The following KCND3 variants were observed in gnomAD, a reference collection of about 807,000 sequenced individuals.
KCND3 encodes the protein potassium voltage-gated channel subfamily D member 3.
In KCND3, 9 loss-of-function variants were observed where a neutral mutation model predicts 51.1. That is an observed-to-expected ratio of 0.18 (90% CI 0.11 to 0.31). KCND3 has a LOEUF of 0.31. Ranked by LOEUF, KCND3 falls within the 10% of genes least tolerant of loss-of-function variation. The probability of loss-of-function intolerance (pLI) is 1.00; values close to 1 mark genes in which losing one functional copy is unlikely to be tolerated. For missense variants in KCND3, 526 were observed against 903.8 expected (o/e 0.58, Z 5.36); for synonymous variants, 349 against 368.0 (o/e 0.95, Z 0.59).
intron 2 of KCND3, among the ~76,000 whole-genome samples, chr1:111,798,453 C>G (rs1280946122): frequency 6.6e-6 from 1 of 152,144 alleles, no homozygotes; most frequent in African/African-American, 2.4e-5. Flanking sequence ...TGACATACCT[C>G]CCCAAAATGT....
At chr1:111,963,876 C>CT (rs1673814759) in intron 2 of KCND3, among the ~76,000 whole-genome samples, 1 of 152,242 alleles carries the variant, frequency 6.6e-6, no homozygotes. Flanking sequence ...ACAAGGACTT[C>CT]TTTTTTGAAG....
intron 2 of KCND3, among the ~76,000 whole-genome samples, chr1:111,828,090 C>T (rs966862785): frequency 2.0e-5 from 3 of 152,140 alleles, no homozygotes; most frequent in African/African-American, 7.2e-5. Context: ...ATTTCTGAGC[C>T]CAAGGCTTGC....
chr1:111,872,601 T>TA (rs112549303), intron 2 of KCND3, among the ~76,000 whole-genome samples: 24,491 of 150,760 alleles, frequency 0.16, 2,619 homozygotes, highest in East Asian at 0.53. Context: ...GGAGAAAGAG[T>TA]GTTTTTTTAT....
At chr1:111,905,530 T>C (rs1446516166) in intron 2 of KCND3, among the ~76,000 whole-genome samples, 1 of 152,228 alleles carries the variant, frequency 6.6e-6, no homozygotes, top group Non-Finnish European at 1.5e-5. Context: ...ACCATGCGTC[T>C]GCAGCAACAG....
At position 111,774,768 on chromosome 1, in the gene KCND3, C is replaced by T. The variant is rs1664040376; in HGVS notation, c.*1309G>A. The T allele has an allele frequency of 6.6e-6, 1 of 152,176 alleles. No homozygotes were observed. The highest frequency in any genetic ancestry group is 6.5e-5 in the Admixed American group (1 of 15,274). 9.4% of individuals were successfully genotyped at this position (152,176 alleles called of 1,614,324 possible). A position where few individuals can be genotyped will look rare whatever the true frequency, so the allele number is the denominator to read the frequency against. On this transcript the variant is annotated 3_prime_UTR_variant, in exon 8 of 8. Transcript: ENST00000302127. ...GAGTTGCCTCTGGTTTGATATAAGT[C>T]AGAGGAATCTTGGTCCCCGTACCAC... is the stretch of plus-strand genomic sequence containing the variant.
intron 2 of KCND3, among the ~76,000 whole-genome samples, chr1:111,885,994 A>G (rs1469007523): frequency 6.6e-6 from 1 of 152,182 alleles, no homozygotes; most frequent in Non-Finnish European, 1.5e-5. Context: ...GCTAGACATG[A>G]TAGTGTGTTA....
chr1:111,963,284 TG>T (rs1185297986), intron 2 of KCND3, among the ~76,000 whole-genome samples: 1 of 152,200 alleles, frequency 6.6e-6, no homozygotes, highest in Non-Finnish European at 1.5e-5. Flanking sequence ...ACAAAGGAAT[TG>T]AAGAAGGAGC....
At chr1:111,860,335 TG>T (rs1315531480) in intron 2 of KCND3, among the ~76,000 whole-genome samples, 2 of 152,218 alleles carry the variant, frequency 1.3e-5, no homozygotes, top group Non-Finnish European at 2.9e-5. Flanking sequence ...ACGCAGAAGC[TG>T]GGATCTGTCC....
intron 2 of KCND3, among the ~76,000 whole-genome samples, chr1:111,971,557 T>C (rs1040703692): frequency 6.6e-6 from 1 of 152,120 alleles, no homozygotes; most frequent in African/African-American, 2.4e-5. Flanking sequence ...TCCCTTCATC[T>C]TTCCCTGGCC....
intron 2 of KCND3, among the ~76,000 whole-genome samples, chr1:111,902,908 C>T (rs774411342): frequency 6.6e-6 from 1 of 152,158 alleles, no homozygotes; most frequent in Admixed American, 6.5e-5. Context: ...GAGTGCTTTG[C>T]TCATAGTAGG....
At chr1:111,840,790 C>T (rs1370219498) in intron 2 of KCND3, among the ~76,000 whole-genome samples, 2 of 152,156 alleles carry the variant, frequency 1.3e-5, no homozygotes, top group Non-Finnish European at 2.9e-5. Context: ...TGAAGATGCC[C>T]GGTGTCCCCT....
intron 2 of KCND3, among the ~76,000 whole-genome samples, chr1:111,805,049 G>A (rs1377719741): frequency 6.6e-6 from 1 of 152,168 alleles, no homozygotes; most frequent in African/African-American, 2.4e-5. Flanking sequence ...GGTGGCGGGT[G>A]GATCACATAA....
intron 2 of KCND3, among the ~76,000 whole-genome samples, chr1:111,865,855 C>G (rs1415810644): frequency 6.6e-6 from 1 of 152,114 alleles, no homozygotes; most frequent in Non-Finnish European, 1.5e-5. Flanking sequence ...CAGGTATGCA[C>G]CATCATGCCC....
chr1:111,879,390 C>T (rs552754101), intron 2 of KCND3, among the ~76,000 whole-genome samples: 38 of 152,246 alleles, frequency 2.5e-4, no homozygotes, highest in Admixed American at 5.2e-4. Flanking sequence ...CTTCCAGGGA[C>T]GACTCAAATG....
intron 2 of KCND3, among the ~76,000 whole-genome samples, chr1:111,931,354 C>T (rs1228247186): frequency 6.6e-6 from 1 of 152,102 alleles, no homozygotes; most frequent in African/African-American, 2.4e-5. Context: ...TTCATACACC[C>T]AAAATAAACA....
Position 111,981,790 on chromosome 1 carries a change from T to G in KCND3, c.937A>C (p.Thr313Pro). The change falls in exon 2 of 8, where the codon ACA becomes CCA. Residue 313 changes from threonine (T) to proline (P), a missense_variant. By Grantham distance (38) the Thr-to-Pro change is conservative. Coordinates refer to ENST00000302127, the MANE Select transcript of KCND3 (RefSeq NM_001378969.1). This position sits in a 1 kb window ranked among gnomAD's most constrained non-coding sequence, Gnocchi z 6.2. ...AGTTCGGAGGCACAGCTCTTCAGTG[T>G]GTAGCCCAGGATCCGCAGGCCCTGG... ...HSQGLRILGYTLKSCASELGF... is the reference protein window; with the variant it reads ...HSQGLRILGYPLKSCASELGF... 1 of 1,614,026 alleles carries G rather than the reference T, an allele frequency of 6.2e-7. No individual in the cohort carries two copies. Among genetic ancestry groups the G allele is most frequent in the Non-Finnish European group, 8.5e-7 (1 of 1,179,980 alleles).
Position 111,982,582 on chromosome 1 carries a change from G to GT in KCND3, c.144_145insA (p.Arg49ThrfsTer328). The stretch of plus-strand genomic sequence containing the variant: ...GTGGTCCTCCAGGTCTGGAACCTCC[G>GT]CCCACTCACGTTGAGGACAATCAGC... On this transcript the variant is annotated frameshift_variant, in exon 2 of 8. Coordinates refer to ENST00000302127, the MANE Select transcript of KCND3 (RefSeq NM_001378969.1). LOFTEE classifies it high-confidence loss of function. The surrounding 1 kb of genome is among the most constrained non-coding windows in gnomAD (Gnocchi z 8.5). 6.2e-7 allele frequency: 1 copy of GT among 1,612,762 alleles called. No homozygotes were observed. Among genetic ancestry groups the GT allele is most frequent in the Non-Finnish European group, 8.5e-7 (1 of 1,178,978 alleles).
chr1:111,898,385 A>C (rs1365121683), intron 2 of KCND3, among the ~76,000 whole-genome samples: 2 of 152,088 alleles, frequency 1.3e-5, no homozygotes, highest in East Asian at 3.9e-4. Flanking sequence ...GTACCTCCAC[A>C]TGCCTGGCAC....
At position 111,786,929 on chromosome 1, in the gene KCND3, G is replaced by T. The variant is rs3738298; in HGVS notation, c.1269+15C>A. The T allele has an allele frequency of 0.15, 244,472 of 1,613,558 alleles. 19,222 individuals are homozygous for T. The highest frequency in any genetic ancestry group is 0.21 in the South Asian group (19,540 of 91,060). On this transcript the variant is annotated intron_variant, in intron 3 of 7. Transcript: ENST00000302127. Reference sequence around the variant, plus strand: ...TCCTTTACACTGCCCCCGCTTCCCTGCGTCTGAGGCTTACCTTTTGTGCCC... The same window carrying T: ...TCCTTTACACTGCCCCCGCTTCCCTTCGTCTGAGGCTTACCTTTTGTGCCC...
Sources: gnomAD v4.1 joint callset for allele counts (sites outside exome capture counted in the v4.1 genomes callset) on GRCh38, gnomAD v4.1.1 for gene constraint, Gnocchi (gnomAD v3.1) non-coding constraint, MANE v1.5 for transcripts, NCBI Gene and HGNC (gene_info 2026-07-23, HGNC 2026-07-21) for gene names.